PTPN13: variants seen among roughly 807,000 people sequenced by gnomAD.
The protein encoded by PTPN13 is tyrosine-protein phosphatase non-receptor type 13.
Under a neutral mutation model 284.0 loss-of-function variants are expected in PTPN13, and 191 were observed. The ratio of observed to expected loss-of-function variants is 0.67; its 90% CI spans 0.60 to 0.76. The LOEUF (loss-of-function observed/expected upper bound fraction) is 0.76. Ranked by LOEUF, PTPN13 falls within the 30% of genes least tolerant of loss-of-function variation. The pLI is 0.00. For missense variants in PTPN13, 2,797 were observed against 2,939.9 expected (o/e 0.95, Z 1.12); for synonymous variants, 986 against 1,022.3 (o/e 0.96, Z 0.68).
rs61757793 is a variant in PTPN13, at chr4:86,771,303, C to T, written c.4936C>T (p.Pro1646Ser). 1.1e-4 allele frequency: 170 copies of T among 1,602,306 alleles called. No individual in the cohort carries two copies. Among genetic ancestry groups the T allele is most frequent in the Non-Finnish European group, 1.4e-4 (161 of 1,174,404 alleles). The change falls in exon 31 of 48, where the codon CCA becomes TCA. Residue 1646 changes from proline to serine, a missense_variant. Transcript: ENST00000411767. ...CAAAAGCAAAAAACAGTGCAAGTCC[C>T]CATCCAGAAGAGACAGTTACAGTGA... ...SDKSKKQCKS[P>S]SRRDSYSDSS...
intron 1 of PTPN13, among the ~76,000 whole-genome samples, chr4:86,598,459 T>C (rs972227020): frequency 3.3e-5 from 5 of 152,214 alleles, no homozygotes; most frequent in Admixed American, 2.6e-4. Flanking sequence ...TCAAGGTATT[T>C]TGAGGATGAA....
chr4:86,636,137 A>C (rs1282943755), intron 2 of PTPN13, among the ~76,000 whole-genome samples: 3 of 152,108 alleles, frequency 2.0e-5, no homozygotes, highest in African/African-American at 7.2e-5. Flanking sequence ...TCTCCTACAC[A>C]AGCTAAGACC....
intron 15 of PTPN13, among the ~76,000 whole-genome samples, chr4:86,738,832 C>T (rs1735830124): frequency 6.6e-6 from 1 of 152,018 alleles, no homozygotes; most frequent in African/African-American, 2.4e-5. Context: ...AGATGTGCAC[C>T]ACCATACCTG....
intron 42 of PTPN13, among the ~76,000 whole-genome samples, chr4:86,802,145 TA>T (rs1208063151): frequency 3.8e-4 from 54 of 143,954 alleles, no homozygotes; most frequent in East Asian, 1.8e-3. Context: ...ATCAAGATTT[TA>T]GTGTGTGTGT....
chr4:86,807,180 T>C (rs753746444), intron 44 of PTPN13, among the ~76,000 whole-genome samples: 7 of 152,166 alleles, frequency 4.6e-5, no homozygotes, highest in Non-Finnish European at 8.8e-5. Flanking sequence ...CTATTATTAT[T>C]ATCATCATCA....
At chr4:86,736,168 G>T (rs1185589502) in intron 15 of PTPN13, among the ~76,000 whole-genome samples, 15 of 152,082 alleles carry the variant, frequency 9.9e-5, no homozygotes, top group Admixed American at 9.8e-4. Context: ...TTTAAAAATG[G>T]TCTTCCCACT....
chr4:86,681,477 A>G (rs1728883701), intron 3 of PTPN13, among the ~76,000 whole-genome samples: 1 of 152,212 alleles, frequency 6.6e-6, no homozygotes, highest in Non-Finnish European at 1.5e-5. Context: ...TGCAATTTAC[A>G]GGGCAGCTCC....
chr4:86,693,953 TA>T (rs1356288959), intron 6 of PTPN13, among the ~76,000 whole-genome samples: 1 of 152,130 alleles, frequency 6.6e-6, no homozygotes, highest in Middle Eastern at 3.2e-3. Flanking sequence ...TTATTTACTT[TA>T]TCGTGGTATT....
intron 9 of PTPN13, among the ~76,000 whole-genome samples, chr4:86,719,189 C>CT (rs1733371364): frequency 6.6e-6 from 1 of 152,100 alleles, no homozygotes; most frequent in African/African-American, 2.4e-5. Flanking sequence ...TTCAGAAGTT[C>CT]TTATCATTTA....
In PTPN13 at chr4:86,766,532, T is replaced by C. The variant is rs766884507; in HGVS notation, c.4329+15T>C. The C allele has an allele frequency of 2.6e-6, 4 of 1,555,914 alleles. No individual in the cohort carries two copies. The highest frequency in any genetic ancestry group is 3.5e-6 in the Non-Finnish European group (4 of 1,143,880). ...ATACAGGACAGGTAACAGATCATTATACCAACCTTTTACAGTACCTTAGAA... is the reference window on the plus strand; with the variant it reads ...ATACAGGACAGGTAACAGATCATTACACCAACCTTTTACAGTACCTTAGAA... On this transcript the variant is annotated intron_variant, in intron 27 of 47. Transcript: ENST00000411767.
chr4:86,602,936 C>T (rs1425620217), intron 1 of PTPN13, among the ~76,000 whole-genome samples: 2 of 152,044 alleles, frequency 1.3e-5, no homozygotes, highest in Non-Finnish European at 2.9e-5. Flanking sequence ...TGGACTCAAG[C>T]GATCCTCCTG....
chr4:86,796,978 A>G (rs373911528), intron 41 of PTPN13, 49 bp downstream of exon 41: 2 of 1,099,992 alleles, frequency 1.8e-6, no homozygotes, highest in African/African-American at 3.3e-5. Flanking sequence ...TCTATCTATA[A>G]ATGCTCTGAA....
At position 86,688,451 on chromosome 4, in the gene PTPN13, T is replaced by C. The variant is rs145071724; in HGVS notation, c.361-554T>C. Among the ~76,000 whole-genome samples the C allele has an allele frequency of 3.3e-5, 5 of 152,286 alleles. No homozygotes were observed. The East Asian group carries it at 5.8e-4, about 18-fold the overall frequency. ...CATATGCTCTTTGGCCATTCAGATA[T>C]AATATTCTACAAAATACGTTAACTA... On this transcript the variant is annotated intron_variant, in intron 4 of 47. Transcript: ENST00000411767.
intron 37 of PTPN13, among the ~76,000 whole-genome samples, chr4:86,783,657 AT>A (rs1238783697): frequency 6.6e-6 from 1 of 151,988 alleles, no homozygotes; most frequent in East Asian, 1.9e-4. Context: ...ACCACTATTT[AT>A]TTTTTAAAAT....
At chr4:86,752,936 A>T (rs1371464244) in intron 19 of PTPN13, 73 bp from the exon 20 acceptor site, 1 of 1,093,122 alleles carries the variant, frequency 9.1e-7, no homozygotes, top group Non-Finnish European at 1.3e-6. Context: ...TTATGAGCTT[A>T]TCAGAAGAAA....
In PTPN13 at chr4:86,774,353, T is replaced by G. The variant is rs768269538; in HGVS notation, c.5350-20T>G. 1 of 1,591,612 alleles carries G rather than the reference T, an allele frequency of 6.3e-7. No individual in the cohort carries two copies. Among genetic ancestry groups the G allele is most frequent in the South Asian group, 1.1e-5 (1 of 87,146 alleles). On this transcript the variant is annotated intron_variant, in intron 32 of 47. Coordinates refer to ENST00000411767, the MANE Select transcript of PTPN13 (RefSeq NM_080683.3). ...GTGCAGAATAGACAACCTAAAAGTA[T>G]TACTGCTTTTTTCCCTTAGGAAGTA...
chr4:86,732,905 C>T (rs1165162637), intron 12 of PTPN13, 139 bp downstream of exon 12: 1 of 541,400 alleles, frequency 1.8e-6, no homozygotes, highest in African/African-American at 1.9e-5. Flanking sequence ...TTAGGAACTC[C>T]CTTTCTTCTC....
At chr4:86,633,248 G>GC (rs1469200393) in intron 1 of PTPN13, among the ~76,000 whole-genome samples, 1 of 152,078 alleles carries the variant, frequency 6.6e-6, no homozygotes, top group Admixed American at 6.6e-5. Flanking sequence ...GTGCTTCCTT[G>GC]CCCCTCTCTT....
chr4:86,701,853 T>G, intron 7 of PTPN13, 52 bp downstream of exon 7: 1 of 1,479,890 alleles, frequency 6.8e-7, no homozygotes, highest in South Asian at 1.4e-5. Context: ...TTAAATATTT[T>G]TTTGAAATAA....
Sources: allele counts gnomAD v4.1 joint callset (sites outside exome capture counted in the v4.1 genomes callset), GRCh38; gene constraint gnomAD v4.1.1; transcripts MANE v1.5; gene names NCBI Gene and HGNC (gene_info 2026-07-23, HGNC 2026-07-21).